The following SNX29 variants were observed in gnomAD, a reference collection of about 807,000 sequenced individuals.
The protein encoded by SNX29 is sorting nexin-29.
In SNX29, 78 loss-of-function variants were observed where a neutral mutation model predicts 102.1. The observed-to-expected ratio is 0.76, with a 90% CI of 0.64 to 0.92. The LOEUF is 0.92. Among genes scored for constraint, SNX29 ranks in the 40% least tolerant of loss-of-function variants. The pLI is 0.00. For missense variants in SNX29, 1,280 were observed against 1,061.7 expected, an observed-to-expected ratio of 1.21 and a Z score of -2.86; for synonymous variants, 580 against 414.5, an observed-to-expected ratio of 1.40 and a Z score of -4.85.
Position 12,543,147 on chromosome 16 carries a change from G to A in SNX29, c.2318+18306G>A, listed in dbSNP as rs149658159. Among the ~76,000 whole-genome samples, 619 of 152,294 alleles carry A rather than the reference G, an allele frequency of 4.1e-3. 4 individuals carry two copies. The highest frequency in any genetic ancestry group is 6.8e-3 in the Non-Finnish European group (463 of 68,014). On this transcript the variant is annotated intron_variant, in intron 20 of 20. Coordinates refer to ENST00000566228, the MANE Select transcript of SNX29 (RefSeq NM_032167.5). ...TATAGATGGTTTAGATCCAGGCCCTGAAGCATAAGTGTTCTCATCAGCTCC... is the reference window on the plus strand; with the variant it reads ...TATAGATGGTTTAGATCCAGGCCCTAAAGCATAAGTGTTCTCATCAGCTCC...
intron 15 of SNX29, among the ~76,000 whole-genome samples, chr16:12,281,074 A>C (rs1001908084): frequency 1.1e-4 from 17 of 152,038 alleles, no homozygotes; most frequent in Non-Finnish European, 7.3e-5. Context: ...TTCCCAGCTA[A>C]TTTTTTTAAA....
At chr16:12,550,224 T>TACC (rs1462932669) in intron 20 of SNX29, among the ~76,000 whole-genome samples, 1 of 152,152 alleles carries the variant, frequency 6.6e-6, no homozygotes, top group Non-Finnish European at 1.5e-5. Context: ...TACCACACAA[T>TACC]ACCTTTCTAA....
intron 14 of SNX29, among the ~76,000 whole-genome samples, chr16:12,208,456 G>T (rs2077101517): frequency 6.6e-6 from 1 of 152,198 alleles, no homozygotes; most frequent in Non-Finnish European, 1.5e-5. Flanking sequence ...ATGGTAGGAA[G>T]GGTGTCCAAG....
At chr16:12,425,340 T>G (rs1262694998) in intron 18 of SNX29, among the ~76,000 whole-genome samples, 1 of 151,950 alleles carries the variant, frequency 6.6e-6, no homozygotes, top group Non-Finnish European at 1.5e-5. Flanking sequence ...GGATAATCAT[T>G]AGCTCAACAG....
chr16:12,338,270 A>G (rs2081510509), intron 15 of SNX29, among the ~76,000 whole-genome samples: 1 of 152,134 alleles, frequency 6.6e-6, no homozygotes, highest in Non-Finnish European at 1.5e-5. Context: ...AGCAGTGTGG[A>G]GGCAACTCAT....
At chr16:12,538,265 G>A (rs905225857) in intron 20 of SNX29, among the ~76,000 whole-genome samples, 1 of 152,090 alleles carries the variant, frequency 6.6e-6, no homozygotes, top group Admixed American at 6.6e-5. Context: ...ACAGGGATCT[G>A]CCACCACACC....
chr16:12,443,162 T>TCTCTGTCATG, intron 18 of SNX29: 1 of 391,030 alleles, frequency 2.6e-6, no homozygotes, highest in South Asian at 1.8e-5. Context: ...GCGTGGGCTT[T>TCTCTGTCATG]CTCTGTCATG....
intron 14 of SNX29, among the ~76,000 whole-genome samples, chr16:12,257,987 G>A (rs1266170066): frequency 1.3e-5 from 2 of 152,140 alleles, no homozygotes; most frequent in African/African-American, 4.8e-5. Flanking sequence ...TGTCCTCACT[G>A]CTATCGCCTG....
intron 20 of SNX29, among the ~76,000 whole-genome samples, chr16:12,540,688 G>A (rs1222455365): frequency 6.6e-6 from 1 of 152,134 alleles, no homozygotes; most frequent in Non-Finnish European, 1.5e-5. Flanking sequence ...CCCTCTTGTT[G>A]TAGAAGCTCA....
intron 19 of SNX29, among the ~76,000 whole-genome samples, chr16:12,500,674 G>C (rs1358541805): frequency 6.6e-6 from 1 of 152,220 alleles, no homozygotes; most frequent in African/African-American, 2.4e-5. Flanking sequence ...AATGTGGTCT[G>C]TGTACCAGTG....
At chr16:12,469,305 C>A (rs1427555329) in intron 18 of SNX29, among the ~76,000 whole-genome samples, 1 of 152,190 alleles carries the variant, frequency 6.6e-6, no homozygotes, top group African/African-American at 2.4e-5. Flanking sequence ...TACAATAATT[C>A]AGGCATTTTG....
chr16:12,295,873 A>G (rs1435528163), intron 15 of SNX29, among the ~76,000 whole-genome samples: 2 of 152,096 alleles, frequency 1.3e-5, no homozygotes, highest in African/African-American at 4.8e-5. Context: ...CTGTCTTTTG[A>G]CAAAGACCAA....
At chr16:12,344,800 T>A (rs112554040) in intron 15 of SNX29, among the ~76,000 whole-genome samples, 9,076 of 152,252 alleles carry the variant, frequency 0.06, 892 homozygotes, top group African/African-American at 0.21. Context: ...AGGCCAACGC[T>A]GCGCTGCCTT....
intron 19 of SNX29, among the ~76,000 whole-genome samples, chr16:12,504,408 C>T (rs2089276593): frequency 1.3e-5 from 2 of 152,144 alleles, no homozygotes. Flanking sequence ...CCCCATTTCT[C>T]CCCAACCCCC....
Position 12,289,849 on chromosome 16 carries a change from A to G in SNX29, c.1782+11813A>G, listed in dbSNP as rs202159353. On this transcript the variant is annotated intron_variant, in intron 15 of 20. Coordinates refer to ENST00000566228, the MANE Select transcript of SNX29 (RefSeq NM_032167.5). The stretch of plus-strand genomic sequence containing the variant: ...AGAAGGAGTCGTGTGGCCTTGATGG[A>G]CGCGAGTGAAAGAGATGTAGTCCTG... Among the ~76,000 whole-genome samples, 27 of 152,012 alleles carry G rather than the reference A, an allele frequency of 1.8e-4. No individual in the cohort carries two copies. In the East Asian group the frequency reaches 5.3e-3, roughly 30 times the overall value.
chr16:12,429,099 A>G (rs2085205877), intron 18 of SNX29, among the ~76,000 whole-genome samples: 1 of 152,336 alleles, frequency 6.6e-6, no homozygotes, highest in Admixed American at 6.5e-5. Flanking sequence ...CAACACACAG[A>G]TACGATTGCG....
chr16:12,545,877 G>T (rs1057024663), intron 20 of SNX29, among the ~76,000 whole-genome samples: 1 of 152,138 alleles, frequency 6.6e-6, no homozygotes, highest in African/African-American at 2.4e-5. Context: ...AGCCTAAGCC[G>T]TGGGCATTGG....
At position 12,483,119 on chromosome 16, in the gene SNX29, T is replaced by TG. The variant is rs1555549919; in HGVS notation, c.2178+5260_2178+5261insG. On this transcript the variant is annotated intron_variant, in intron 19 of 20. Transcript: ENST00000566228. ...ATACATATTGAAGTTATTAAGTTTTTTTTTTTTTTTTTTTTTTTTTTTTTG... is the reference window on the plus strand; with the variant it reads ...ATACATATTGAAGTTATTAAGTTTTTGTTTTTTTTTTTTTTTTTTTTTTTTG... 2.2e-3 allele frequency among the ~76,000 whole-genome samples: 219 copies of TG among 100,538 alleles called. 6 individuals are homozygous for TG. The highest frequency in any genetic ancestry group is 8.9e-3 in the Middle Eastern group (2 of 224). The allele number at this position is 100,538 out of a possible 152,430, so 66.0% of individuals were successfully genotyped here. A position where few individuals can be genotyped will look rare whatever the true frequency, so the allele number is the denominator to read the frequency against.
At chr16:12,348,085 C>CA (rs113240471) in intron 15 of SNX29, among the ~76,000 whole-genome samples, 9,280 of 151,786 alleles carry the variant, frequency 0.061, 939 homozygotes, top group African/African-American at 0.21. Flanking sequence ...CTCTGGAAAA[C>CA]AAAATTAAAA....
Sources: allele counts gnomAD v4.1 joint callset (sites outside exome capture counted in the v4.1 genomes callset), GRCh38; gene constraint gnomAD v4.1.1; transcripts MANE v1.5; gene names NCBI Gene and HGNC (gene_info 2026-07-23, HGNC 2026-07-21).